SPRR3: variants seen among roughly 807,000 people sequenced by gnomAD.
SPRR3 encodes small proline-rich protein 3.
For synonymous variants in SPRR3, 58 were observed against 72.3 expected (o/e 0.80, Z 1.01); for missense variants, 183 against 200.3 (o/e 0.91, Z 0.52).
chr1:153,002,630 A>C, intron 1 of SPRR3: 1 of 193,814 alleles, frequency 5.2e-6, no homozygotes, highest in Non-Finnish European at 1.1e-5. Context: ...GAAGACCAGA[A>C]AAGCCACTAA....
At position 153,003,065 on chromosome 1, in the gene SPRR3, G is replaced by C; in HGVS notation, c.45G>C (p.Gln15His). 6.2e-7 allele frequency: 1 copy of C among 1,614,084 alleles called. No individual in the cohort carries two copies. The highest frequency in any genetic ancestry group is 8.5e-7 in the Non-Finnish European group (1 of 1,180,024). Residue 15 changes from glutamine (Q) to histidine (H), a missense_variant, in exon 2 of 2, where the codon CAG becomes CAC. Transcript: ENST00000295367. The stretch of plus-strand genomic sequence containing the variant: ...AGCAGACCTTTACCCCACCACCTCA[G>C]CTTCAACAGCAGCAGGTGAAACAAC... The part of the protein sequence containing the change: ...QQKQTFTPPP[Q>H]LQQQQVKQPS...
chr1:153,003,106 C>T lies in SPRR3; in HGVS notation c.86C>T (p.Pro29Leu), dbSNP rs143893188. The T allele has an allele frequency of 1.9e-6, 3 of 1,614,136 alleles. No homozygotes were observed. The highest frequency in any genetic ancestry group is 2.5e-6 in the Non-Finnish European group (3 of 1,180,030). Residue 29 changes from proline (P) to leucine (L), a missense_variant, in exon 2 of 2, where the codon CCT (proline) becomes CTT (leucine). Pro to Leu is a moderately conservative substitution (Grantham distance 98, BLOSUM62 -3). Coordinates refer to ENST00000295367, the MANE Select transcript of SPRR3 (RefSeq NM_001097589.2). ...GTGAAACAACCCAGCCAGCCTCCAC[C>T]TCAGGAAATATTTGTTCCCACAACC... Reference protein sequence around the residue: ...QQVKQPSQPPPQEIFVPTTKE... With the variant: ...QQVKQPSQPPLQEIFVPTTKE...
chr1:153,002,870 C>T (rs1171158040), intron 1 of SPRR3, 132 bp from the exon 2 acceptor site: 2 of 999,544 alleles, frequency 2.0e-6, no homozygotes, highest in East Asian at 2.6e-5. Flanking sequence ...ATCCCATGAT[C>T]TCAAATTCAG....
chr1:153,002,212 C>G (rs571658103), intron 1 of SPRR3: 1 of 152,618 alleles, frequency 6.6e-6, no homozygotes, highest in African/African-American at 2.4e-5. Flanking sequence ...AGAGGGAAAG[C>G]AAGTATCATG....
At position 153,003,113 on chromosome 1, in the gene SPRR3, AAT is replaced by A; in HGVS notation, c.96_97del (p.Phe33CysfsTer30). 6.2e-7 allele frequency: 1 copy of A among 1,614,102 alleles called. No homozygotes were observed. Among genetic ancestry groups the A allele is most frequent in the African/African-American group, 1.3e-5 (1 of 75,036 alleles). ...AACCCAGCCAGCCTCCACCTCAGGA[AAT>A]ATTTGTTCCCACAACCAAGGAGCCA... ...KQPSQPPPQE[I>X]FVPTTKEPCH... is the part of the protein sequence containing the mutation. On this transcript the variant is annotated frameshift_variant, in exon 2 of 2. Transcript: ENST00000295367. LOFTEE classifies it low-confidence loss of function (END_TRUNC).
At chr1:153,002,083 C>T (rs1331452098) in intron 1 of SPRR3, 2 of 152,198 alleles carry the variant, frequency 1.3e-5, no homozygotes, top group African/African-American at 4.8e-5. Flanking sequence ...GAAGGCACTA[C>T]ATTGGCAATT....
intron 1 of SPRR3, chr1:153,002,031 A>G (rs2101570837): frequency 6.6e-6 from 1 of 152,338 alleles, no homozygotes; most frequent in Non-Finnish European, 1.5e-5. Flanking sequence ...ACCCACTTCA[A>G]GAGCACTCTC....
Position 153,003,637 on chromosome 1 carries a change from T to G in SPRR3, c.*107T>G, listed in dbSNP as rs1652884834. 1.4e-6 allele frequency: 2 copies of G among 1,419,440 alleles called. No individual in the cohort carries two copies. Among genetic ancestry groups the G allele is most frequent in the Admixed American group, 2.4e-5 (1 of 41,324 alleles). The allele number at this position is 1,419,440 out of a possible 1,614,324, so 87.9% of individuals were successfully genotyped here. On this transcript the variant is annotated 3_prime_UTR_variant, in exon 2 of 2. Transcript: ENST00000295367. ...TCTGTAGACCTTGTAATCAGCACATTGTCACCCCAAGCCATAGTCTCTCTC... is the reference window on the plus strand; with the variant it reads ...TCTGTAGACCTTGTAATCAGCACATGGTCACCCCAAGCCATAGTCTCTCTC...
chr1:153,001,943 C>G (rs957370497), intron 1 of SPRR3, 150 bp downstream of exon 1: 1 of 152,150 alleles, frequency 6.6e-6, no homozygotes, highest in African/African-American at 2.4e-5. Flanking sequence ...ACTTTCCACT[C>G]AGATTACAGG....
chr1:153,003,758 G>C lies in SPRR3; in HGVS notation c.*228G>C, dbSNP rs1047221603. 3.2e-6 allele frequency: 2 copies of C among 631,364 alleles called. No homozygotes were observed. The highest frequency in any genetic ancestry group is 5.4e-6 in the Non-Finnish European group (2 of 372,140). The allele number at this position is 631,364 out of a possible 1,614,324, so 39.1% of individuals were successfully genotyped here. On this transcript the variant is annotated 3_prime_UTR_variant, in exon 2 of 2. Coordinates refer to ENST00000295367, the MANE Select transcript of SPRR3 (RefSeq NM_001097589.2). ...CTGAATTAAGCAGAAAGTCTTCATG[G>C]CTTTTCTGGTCTTCGGCTGCTCAGG...
At chr1:153,002,356 C>T (rs1652805628) in intron 1 of SPRR3, 1 of 152,638 alleles carries the variant, frequency 6.6e-6, no homozygotes, top group African/African-American at 2.4e-5. Flanking sequence ...CAGAGGCTCC[C>T]AGGTGGATTG....
rs753360969 is a variant in SPRR3 at position 153,003,004 on chromosome 1, C to T, written c.-17C>T. The T allele has an allele frequency of 1.2e-5, 19 of 1,605,396 alleles. No individual in the cohort carries two copies. The highest frequency in any genetic ancestry group is 2.7e-5 in the African/African-American group (2 of 74,580). ...TGAATTAGCTGTTTTGTCTCTAGGT[C>T]CAGCATCCTTTGAAGCATGAGTTCT... is the stretch of plus-strand genomic sequence containing the variant. On this transcript the variant is annotated splice_region_variant and 5_prime_UTR_variant, in exon 2 of 2. Transcript: ENST00000295367.
intron 1 of SPRR3, 183 bp from the exon 2 acceptor site, chr1:153,002,819 T>G: frequency 1.5e-6 from 1 of 667,894 alleles, no homozygotes; most frequent in East Asian, 2.8e-5. Flanking sequence ...AGAAATCAAC[T>G]TTACCTTATT....
chr1:153,003,012 C>A lies in SPRR3; in HGVS notation c.-9C>A. 6.2e-7 allele frequency: 1 copy of A among 1,608,540 alleles called. No homozygotes were observed. The highest frequency in any genetic ancestry group is 8.5e-7 in the Non-Finnish European group (1 of 1,176,640). On this transcript the variant is annotated 5_prime_UTR_variant, in exon 2 of 2. Coordinates refer to ENST00000295367, the MANE Select transcript of SPRR3 (RefSeq NM_001097589.2). ...CTGTTTTGTCTCTAGGTCCAGCATC[C>A]TTTGAAGCATGAGTTCTTACCAGCA... is the stretch of plus-strand genomic sequence containing the variant.
intron 1 of SPRR3, 187 bp from the exon 2 acceptor site, chr1:153,002,815 C>G: frequency 1.5e-6 from 1 of 652,382 alleles, no homozygotes; most frequent in South Asian, 2.3e-5. Flanking sequence ...TGGAAGAAAT[C>G]AACTTTACCT....
In SPRR3 at chr1:153,003,391, A is replaced by G; in HGVS notation, c.371A>G (p.Lys124Arg). Residue 124 changes from lysine to arginine, a missense_variant, in exon 2 of 2, where the codon AAG becomes AGG. Transcript: ENST00000295367. ...AAGGTCCCTGACCAAGGCTTCATCA[A>G]GTTTCCTGAGCCAGGTGCCATCAAA... is the stretch of plus-strand genomic sequence containing the variant. ...SIKVPDQGFI[K>R]FPEPGAIKVP... The G allele has an allele frequency of 6.2e-7, 1 of 1,614,134 alleles. No individual in the cohort carries two copies. The highest frequency in any genetic ancestry group is 8.5e-7 in the Non-Finnish European group (1 of 1,180,032).
At chr1:153,001,868 C>A (rs1040967624) in intron 1 of SPRR3, 75 bp downstream of exon 1, 4 of 152,128 alleles carry the variant, frequency 2.6e-5, no homozygotes, top group African/African-American at 9.7e-5. Context: ...CTTTGCTATG[C>A]AATGAATATA....
At position 153,003,442 on chromosome 1, in the gene SPRR3, T is replaced by A; in HGVS notation, c.422T>A (p.Val141Asp). The A allele has an allele frequency of 6.2e-7, 1 of 1,614,070 alleles. No homozygotes were observed. Among genetic ancestry groups the A allele is most frequent in the Non-Finnish European group, 8.5e-7 (1 of 1,179,996 alleles). ...GTTCCTGAGCAAGGATACACCAAAG[T>A]TCCTGTGCCAGGCTACACAAAGCTA... The part of the protein sequence containing the change: ...IKVPEQGYTK[V>D]PVPGYTKLPE... The change falls in exon 2 of 2, where the codon GTT (valine) becomes GAT (aspartate). Residue 141 changes from valine (V) to aspartate (D), a missense_variant. Val to Asp is a radical substitution (Grantham distance 152, BLOSUM62 -3). Coordinates refer to ENST00000295367, the MANE Select transcript of SPRR3 (RefSeq NM_001097589.2).
chr1:153,001,823 A>G (rs1652789127), intron 1 of SPRR3, 30 bp downstream of exon 1: 1 of 152,224 alleles, frequency 6.6e-6, no homozygotes, highest in Non-Finnish European at 1.5e-5. Context: ...ACACCTTAAT[A>G]TTCTCCAATA....
Sources: allele counts gnomAD v4.1 joint callset, GRCh38; gene constraint gnomAD v4.1.1; transcripts MANE v1.5; gene names NCBI Gene and HGNC (gene_info 2026-07-23, HGNC 2026-07-21).